The following HHIP variants were observed in gnomAD, a reference collection of about 807,000 sequenced individuals.
HHIP encodes the protein hedgehog-interacting protein.
Under a neutral mutation model 74.0 loss-of-function variants are expected in HHIP, and 12 were observed. The ratio of observed to expected loss-of-function variants is 0.16; its 90% CI spans 0.10 to 0.26. The LOEUF (loss-of-function observed/expected upper bound fraction) is 0.26, where lower values mean the gene tolerates loss of function less well. Among genes scored for constraint, HHIP ranks in the 10% least tolerant of loss-of-function variants. The pLI is 1.00. For missense variants in HHIP, 788 were observed against 845.0 expected (o/e 0.93, Z 0.84); for synonymous variants, 309 against 311.6 (o/e 0.99, Z 0.09).
chr4:144,684,542 G>A (rs1369812417), intron 4 of HHIP, among the ~76,000 whole-genome samples: 1 of 151,634 alleles, frequency 6.6e-6, no homozygotes, highest in East Asian at 1.9e-4. Flanking sequence ...GCCTCCCAAA[G>A]TGCTGAGATT....
Position 144,663,557 on chromosome 4 carries a change from C to T in HHIP, c.831+3719C>T, listed in dbSNP as rs149935291. Among the ~76,000 whole-genome samples the T allele has an allele frequency of 1.8e-3, 267 of 152,244 alleles. 3 individuals carry two copies. Among genetic ancestry groups the T allele is most frequent in the African/African-American group, 5.8e-3 (242 of 41,542 alleles). On this transcript the variant is annotated intron_variant, in intron 4 of 12. Coordinates refer to ENST00000296575, the MANE Select transcript of HHIP (RefSeq NM_022475.3). Reference sequence around the variant, plus strand: ...GATACCAGTTGTCATTTGCCCTGTACCTTTTCTAATTTACTTAGTTTATAT... The same window carrying T: ...GATACCAGTTGTCATTTGCCCTGTATCTTTTCTAATTTACTTAGTTTATAT...
chr4:144,731,401 A>G (rs1730950552), intron 11 of HHIP, among the ~76,000 whole-genome samples: 2 of 152,052 alleles, frequency 1.3e-5, no homozygotes, highest in African/African-American at 4.8e-5. Flanking sequence ...TACTATATAA[A>G]TTCAATTTAA....
chr4:144,665,231 G>A (rs1189032891), intron 4 of HHIP, among the ~76,000 whole-genome samples: 3 of 151,926 alleles, frequency 2.0e-5, no homozygotes, highest in Non-Finnish European at 4.4e-5. Context: ...ACAATGCCTG[G>A]CTAATTTTTG....
chr4:144,672,379 A>T (rs1220361116), intron 4 of HHIP, among the ~76,000 whole-genome samples: 1 of 152,200 alleles, frequency 6.6e-6, no homozygotes, highest in African/African-American at 2.4e-5. Flanking sequence ...AATGTCTTGA[A>T]TGTACAGGGA....
chr4:144,727,238 C>T (rs558443212), intron 11 of HHIP, among the ~76,000 whole-genome samples: 2 of 152,238 alleles, frequency 1.3e-5, no homozygotes, highest in African/African-American at 2.4e-5. Context: ...TATCCTAACA[C>T]GATGGAGAGA....
chr4:144,663,604 T>C (rs1295456698), intron 4 of HHIP, among the ~76,000 whole-genome samples: 1 of 152,180 alleles, frequency 6.6e-6, no homozygotes, highest in Non-Finnish European at 1.5e-5. Flanking sequence ...CCAACTTGAG[T>C]GAGGAATTGG....
chr4:144,686,819 G>T lies in HHIP; in HGVS notation c.832-19712G>T, dbSNP rs1033873353. Among the ~76,000 whole-genome samples the T allele has an allele frequency of 1.3e-5, 2 of 152,244 alleles. 1 individual carries two copies. The highest frequency in any genetic ancestry group is 3.8e-4 in the East Asian group (2 of 5,198). On this transcript the variant is annotated intron_variant, in intron 4 of 12. Coordinates refer to ENST00000296575, the MANE Select transcript of HHIP (RefSeq NM_022475.3). ...CACAGCTTTCTTAGCAATGCAGCTT[G>T]TACAGTTGTCAGAGCTTTCTGGTAG...
intron 4 of HHIP, among the ~76,000 whole-genome samples, chr4:144,688,616 T>C (rs960822595): frequency 2.0e-5 from 3 of 152,192 alleles, no homozygotes; most frequent in African/African-American, 7.2e-5. Context: ...TTTGTTCCTT[T>C]TCCCAGTCTA....
chr4:144,695,538 G>A (rs1215288265), intron 4 of HHIP, among the ~76,000 whole-genome samples: 4 of 151,424 alleles, frequency 2.6e-5, no homozygotes, highest in Admixed American at 1.3e-4. Context: ...TTTGTTTTTG[G>A]AGGGGAGGAA....
intron 8 of HHIP, among the ~76,000 whole-genome samples, chr4:144,713,929 T>C (rs578250212): frequency 2.0e-4 from 30 of 152,226 alleles, no homozygotes; most frequent in Non-Finnish European, 3.4e-4. Flanking sequence ...TAAATAATCA[T>C]GAGTCCCAAA....
rs1491506855 is a variant in HHIP, at chr4:144,743,031, CTT to C, written c.*5075_*5076del. The C allele has an allele frequency of 9.6e-4, 121 of 126,004 alleles. No individual in the cohort carries two copies. Among genetic ancestry groups the C allele is most frequent in the Middle Eastern group, 4.2e-3 (1 of 240 alleles). 7.8% of individuals were successfully genotyped at this position (126,004 alleles called of 1,614,324 possible). ...TATATTATATATATATAATATATATCTTATATATATATATATCTTAATACATA... is the reference window on the plus strand; with the variant it reads ...TATATTATATATATATAATATATATCATATATATATATATCTTAATACATA... On this transcript the variant is annotated 3_prime_UTR_variant, in exon 13 of 13. Transcript: ENST00000296575.
Position 144,714,302 on chromosome 4 carries a change from C to G in HHIP, c.1501C>G (p.Gln501Glu). ...TGGTGGATTTGTATACCGGGGCTGC[C>G]AGTCAGAAAGATTGTATGGAAGCTA... ...LVGGFVYRGC[Q>E]SERLYGSYVF... is the part of the protein sequence containing the mutation. The change falls in exon 9 of 13, where the codon CAG becomes GAG. Residue 501 changes from glutamine (Q) to glutamate (E), a missense_variant. Around this residue, in one of 3 missense-constraint regions of HHIP, gnomAD observed 343 missense variants for 347.9 expected, o/e 0.99. Coordinates refer to ENST00000296575, the MANE Select transcript of HHIP (RefSeq NM_022475.3). The G allele has an allele frequency of 6.2e-7, 1 of 1,613,318 alleles. No homozygotes were observed. Among genetic ancestry groups the G allele is most frequent in the Non-Finnish European group, 8.5e-7 (1 of 1,179,538 alleles).
chr4:144,734,617 T>TG, intron 11 of HHIP, 124 bp from the exon 12 acceptor site: 1 of 571,326 alleles, frequency 1.8e-6, no homozygotes, highest in Non-Finnish European at 2.7e-6. Flanking sequence ...CTGAGTCACT[T>TG]AAAAAAAAAA....
chr4:144,714,409 G>T, intron 9 of HHIP, 61 bp downstream of exon 9: 1 of 1,521,620 alleles, frequency 6.6e-7, no homozygotes, highest in South Asian at 1.2e-5. Flanking sequence ...TAATCATTTG[G>T]CAAACTGCCA....
rs181622631 is a variant in HHIP, at chr4:144,714,524, C to G, written c.1547+176C>G. 1.7e-3 allele frequency among the ~76,000 whole-genome samples: 261 copies of G among 152,146 alleles called. 2 individuals are homozygous for G. The highest frequency in any genetic ancestry group is 6.1e-3 in the African/African-American group (254 of 41,508). On this transcript the variant is annotated intron_variant, in intron 9 of 12. Transcript: ENST00000296575. ...ATATAGTGGTTTAATTGAAGAACTT[C>G]CAAAAAGATGCTCTCTCAACAGGCT...
Position 144,738,716 on chromosome 4 carries a change from T to C in HHIP, c.*759T>C, listed in dbSNP as rs1646902259. ...TATATTTTATTTTATTTTTATAATA[T>C]AGACATCACCTAGATGAAACACCTT... is the stretch of plus-strand genomic sequence containing the variant. On this transcript the variant is annotated 3_prime_UTR_variant, in exon 13 of 13. Coordinates refer to ENST00000296575, the MANE Select transcript of HHIP (RefSeq NM_022475.3). 6.1e-6 allele frequency: 5 copies of C among 814,340 alleles called. No individual in the cohort carries two copies. The highest frequency in any genetic ancestry group is 5.9e-6 in the Non-Finnish European group (4 of 673,720). The allele number at this position is 814,340 out of a possible 1,614,324, so 50.4% of individuals were successfully genotyped here.
intron 10 of HHIP, 68 bp downstream of exon 10, chr4:144,715,498 T>A: frequency 2.0e-6 from 3 of 1,465,908 alleles, no homozygotes; most frequent in Non-Finnish European, 2.8e-6. Flanking sequence ...TGTTCTGCCC[T>A]GAAGAATAAA....
chr4:144,718,785 T>C (rs1048442701), intron 10 of HHIP, 90 bp from the exon 11 acceptor site: 3 of 782,624 alleles, frequency 3.8e-6, no homozygotes, highest in Admixed American at 4.1e-5. Flanking sequence ...TAGATGGAGA[T>C]AGATTGACAT....
intron 4 of HHIP, among the ~76,000 whole-genome samples, chr4:144,687,055 T>C (rs2126629321): frequency 6.6e-6 from 1 of 152,336 alleles, no homozygotes; most frequent in African/African-American, 2.4e-5. Context: ...TATTTTTTGG[T>C]CATATACTGC....
Sources: gnomAD v4.1 joint callset for allele counts (sites outside exome capture counted in the v4.1 genomes callset) on GRCh38, gnomAD v4.1.1 for gene constraint, gnomAD v4.1.1 regional missense constraint, MANE v1.5 for transcripts, NCBI Gene and HGNC (gene_info 2026-07-23, HGNC 2026-07-21) for gene names.